The following NCAM2 variants were observed in gnomAD, a reference collection of about 807,000 sequenced individuals.
NCAM2 encodes neural cell adhesion molecule 2, also known as N-CAM-2.
A neutral mutation model predicts 98.1 loss-of-function variants in NCAM2; 30 were observed. That is an observed-to-expected ratio of 0.31 (90% confidence interval 0.23 to 0.41). NCAM2 has a LOEUF of 0.41. NCAM2 is among the 10% of genes least tolerant of loss of function. The pLI is 1.00. For missense variants in NCAM2, 867 were observed against 1,005.8 expected (o/e 0.86, Z 1.87); for synonymous variants, 368 against 342.4 (o/e 1.07, Z -0.83).
chr21:21,263,882 A>G (rs1210512724), intron 1 of NCAM2, among the ~76,000 whole-genome samples: 1 of 152,144 alleles, frequency 6.6e-6, no homozygotes, highest in East Asian at 1.9e-4. Flanking sequence ...ACTTAAATAT[A>G]AAGTCCAAAA....
chr21:21,171,904 A>G (rs1046104377), intron 1 of NCAM2, among the ~76,000 whole-genome samples: 3 of 152,272 alleles, frequency 2.0e-5, no homozygotes, highest in African/African-American at 7.2e-5. Context: ...GTATAGTGCT[A>G]TAGCTTGCAC....
At chr21:21,284,535 C>T in intron 3 of NCAM2, 135 bp downstream of exon 3, 1 of 684,404 alleles carries the variant, frequency 1.5e-6, no homozygotes, top group Non-Finnish European at 2.5e-6. Flanking sequence ...TATGCTTTAC[C>T]AGAGTGTATC....
At chr21:21,507,109 G>GAA (rs113469804) in intron 15 of NCAM2, among the ~76,000 whole-genome samples, 1 of 142,732 alleles carries the variant, frequency 7.0e-6, no homozygotes, top group African/African-American at 2.6e-5. Context: ...CCTATTTTTT[G>GAA]AAAAAAAAAA....
intron 5 of NCAM2, among the ~76,000 whole-genome samples, chr21:21,296,329 A>C (rs1293784049): frequency 1.3e-5 from 2 of 151,904 alleles, no homozygotes; most frequent in Non-Finnish European, 2.9e-5. Flanking sequence ...ATTAAAGATA[A>C]ATATAATGAA....
intron 9 of NCAM2, among the ~76,000 whole-genome samples, chr21:21,404,660 G>A (rs991639019): frequency 6.6e-6 from 1 of 151,686 alleles, no homozygotes; most frequent in Non-Finnish European, 1.5e-5. Flanking sequence ...GTATGTATGT[G>A]TATATACCGT....
chr21:21,189,808 G>C (rs2068760264), intron 1 of NCAM2, among the ~76,000 whole-genome samples: 1 of 152,142 alleles, frequency 6.6e-6, no homozygotes, highest in South Asian at 2.1e-4. Flanking sequence ...ACTCCATTCT[G>C]ATGCAAAGGC....
intron 1 of NCAM2, among the ~76,000 whole-genome samples, chr21:21,268,711 G>T (rs950408150): frequency 6.6e-6 from 1 of 152,150 alleles, no homozygotes; most frequent in African/African-American, 2.4e-5. Flanking sequence ...CATCGGAGAA[G>T]GGATGGACTG....
chr21:21,256,065 A>G (rs2071656248), intron 1 of NCAM2, among the ~76,000 whole-genome samples: 1 of 152,160 alleles, frequency 6.6e-6, no homozygotes. Flanking sequence ...ATAAAAAATA[A>G]TATTTCTGGC....
chr21:21,153,608 A>G (rs1191273974), intron 1 of NCAM2, among the ~76,000 whole-genome samples: 1 of 151,962 alleles, frequency 6.6e-6, no homozygotes, highest in Non-Finnish European at 1.5e-5. Context: ...GTTGAATGTG[A>G]GCATTTTGGA....
intron 16 of NCAM2, among the ~76,000 whole-genome samples, chr21:21,526,833 A>G (rs1251038545): frequency 1.3e-5 from 2 of 152,140 alleles, no homozygotes; most frequent in East Asian, 3.9e-4. Context: ...AATATACTCA[A>G]GTAAACTGAC....
chr21:21,179,481 A>T (rs1345805101), intron 1 of NCAM2, among the ~76,000 whole-genome samples: 1 of 152,156 alleles, frequency 6.6e-6, no homozygotes, highest in Non-Finnish European at 1.5e-5. Flanking sequence ...ATCACTAATC[A>T]GAAATTCCAG....
chr21:21,534,491 C>G (rs893196009), intron 16 of NCAM2, 46 bp from the exon 17 acceptor site: 5 of 1,413,472 alleles, frequency 3.5e-6, no homozygotes, highest in Non-Finnish European at 4.7e-6. Context: ...CATAATGCAT[C>G]CATTTTTAAA....
chr21:21,318,578 AAAT>A (rs1333476926), intron 5 of NCAM2, among the ~76,000 whole-genome samples: 1 of 152,210 alleles, frequency 6.6e-6, no homozygotes, highest in Non-Finnish European at 1.5e-5. Flanking sequence ...CTGATTATAA[AAAT>A]AATCCAATGT....
At chr21:21,081,870 CA>C (rs1227527775) in intron 1 of NCAM2, among the ~76,000 whole-genome samples, 1 of 151,442 alleles carries the variant, frequency 6.6e-6, no homozygotes, top group Admixed American at 6.6e-5. Flanking sequence ...AAAAAACAAA[CA>C]AACACTTTAT....
rs56013004 is a variant in NCAM2 at position 21,331,576 on chromosome 21, T to G, written c.738-3929T>G. Among the ~76,000 whole-genome samples the G allele has an allele frequency of 7.1e-3, 40 of 5,634 alleles. 7 individuals carry two copies. Among genetic ancestry groups the G allele is most frequent in the Non-Finnish European group, 0.028 (26 of 918 alleles). 3.7% of individuals were successfully genotyped at this position (5,634 alleles called of 152,430 possible). A position where few individuals can be genotyped will look rare whatever the true frequency, so the allele number is the denominator to read the frequency against. On this transcript the variant is annotated intron_variant, in intron 6 of 17. Coordinates refer to ENST00000400546, the MANE Select transcript of NCAM2 (RefSeq NM_004540.5). Reference sequence around the variant, plus strand: ...TATATATACTCTATATACATATATATATAGAGAGAGAGAGAGAGAGAGAGA... The same window carrying G: ...TATATATACTCTATATACATATATAGATAGAGAGAGAGAGAGAGAGAGAGA...
intron 16 of NCAM2, among the ~76,000 whole-genome samples, chr21:21,512,512 T>A (rs1369445418): frequency 2.6e-5 from 4 of 152,050 alleles, no homozygotes; most frequent in Admixed American, 2.0e-4. Flanking sequence ...AATTTGAAGT[T>A]AGGTAATGTC....
Position 21,154,685 on chromosome 21 carries a change from A to C in NCAM2, c.56-125893A>C, listed in dbSNP as rs529612113. Reference sequence around the variant, plus strand: ...TTGCCATTTCTGTGACATTAAAAATAGAGTCTGCCCAGAAAACTCTTAGAT... The same window carrying C: ...TTGCCATTTCTGTGACATTAAAAATCGAGTCTGCCCAGAAAACTCTTAGAT... On this transcript the variant is annotated intron_variant, in intron 1 of 17. Transcript: ENST00000400546. Among the ~76,000 whole-genome samples the C allele has an allele frequency of 3.9e-4, 59 of 152,030 alleles. No individual in the cohort carries two copies. In the South Asian group the frequency reaches 0.012, roughly 32 times the overall value.
At chr21:21,291,110 T>C (rs1568892130) in intron 4 of NCAM2, among the ~76,000 whole-genome samples, 1 of 151,900 alleles carries the variant, frequency 6.6e-6, no homozygotes, top group Non-Finnish European at 1.5e-5. Context: ...ATCACCTTTC[T>C]ACCTGATCAA....
At chr21:21,334,326 G>A (rs962531825) in intron 6 of NCAM2, among the ~76,000 whole-genome samples, 1 of 152,116 alleles carries the variant, frequency 6.6e-6, no homozygotes, top group African/African-American at 2.4e-5. Context: ...GATGTCATGA[G>A]AAACTGGAAC....
Sources: allele counts gnomAD v4.1 joint callset (sites outside exome capture counted in the v4.1 genomes callset), GRCh38; gene constraint gnomAD v4.1.1; transcripts MANE v1.5; gene names NCBI Gene and HGNC (gene_info 2026-07-23, HGNC 2026-07-21).